CNST: variants seen among roughly 807,000 people sequenced by gnomAD.
CNST encodes the protein consortin.
Under a neutral mutation model 72.4 loss-of-function variants are expected in CNST, and 39 were observed. The observed-to-expected ratio is 0.54, with a 90% CI of 0.42 to 0.70. CNST has a LOEUF of 0.70. CNST is among the 30% of genes least tolerant of loss of function. The pLI is 0.00. For missense variants in CNST, 871 were observed against 868.5 expected (o/e 1.00, Z -0.04); for synonymous variants, 332 against 320.1 (o/e 1.04, Z -0.40).
intron 6 of CNST, among the ~76,000 whole-genome samples, chr1:246,635,564 G>C (rs1486543913): frequency 2.0e-5 from 3 of 152,208 alleles, no homozygotes; most frequent in Non-Finnish European, 1.5e-5. Context: ...AGCAATTGGA[G>C]ATGTTAAACT....
Position 246,665,879 on chromosome 1 carries a change from C to T in CNST, c.2152C>T (p.Leu718=), listed in dbSNP as rs1262944176. Residue 718 remains leucine (L), a synonymous_variant, in exon 11 of 11, where the codon CTG becomes TTG. Coordinates refer to ENST00000366513, the MANE Select transcript of CNST (RefSeq NM_152609.3). ...TAAGTTACTTCAGGGAGTGGCAGAA[C>T]TGAAGCACTGGATCTACCTCTCCTA... is the stretch of plus-strand genomic sequence containing the variant. ...YTKLLQGVAE[L]KHWIYLS 8.1e-6 allele frequency: 13 copies of T among 1,613,378 alleles called. No individual in the cohort carries two copies. Among genetic ancestry groups the T allele is most frequent in the Non-Finnish European group, 1.1e-5 (13 of 1,179,446 alleles).
intron 1 of CNST, among the ~76,000 whole-genome samples, chr1:246,579,648 G>A (rs939360779): frequency 3.9e-5 from 6 of 152,100 alleles, no homozygotes; most frequent in African/African-American, 1.4e-4. Context: ...CCAGCTACTT[G>A]GGAGGCTGAG....
chr1:246,582,918 G>A (rs927834341), intron 1 of CNST, among the ~76,000 whole-genome samples: 2 of 152,200 alleles, frequency 1.3e-5, no homozygotes, highest in Non-Finnish European at 2.9e-5. Context: ...AGGCAGCTCA[G>A]CAGATTGAAG....
At chr1:246,627,656 C>T (rs1049859548) in intron 3 of CNST, among the ~76,000 whole-genome samples, 1 of 152,148 alleles carries the variant, frequency 6.6e-6, no homozygotes, top group African/African-American at 2.4e-5. Flanking sequence ...GCTTTTCTAT[C>T]ATTTTCCTGT....
At chr1:246,597,227 G>A (rs192692738) in intron 2 of CNST, among the ~76,000 whole-genome samples, 1 of 152,242 alleles carries the variant, frequency 6.6e-6, no homozygotes, top group African/African-American at 2.4e-5. Context: ...TTATCTCCAT[G>A]TAGTTTTAAA....
intron 2 of CNST, among the ~76,000 whole-genome samples, chr1:246,601,252 C>T (rs1662270879): frequency 6.6e-6 from 1 of 152,018 alleles, no homozygotes; most frequent in Admixed American, 6.6e-5. Flanking sequence ...CTGCAGTGAG[C>T]CATGATCACG....
chr1:246,647,324 AC>A lies in CNST; in HGVS notation c.1126del (p.Gln376SerfsTer39). The A allele has an allele frequency of 6.2e-7, 1 of 1,614,158 alleles. No individual in the cohort carries two copies. ...CSAEATLALHTQSSETAGSPS... is the reference protein window; with the variant it reads ...CSAEATLALHXQSSETAGSPS... ...CGCTGAAGCCACGTTAGCGCTCCAC[AC>A]CCAGTCCTCCGAGACAGCAGGGAGC... On this transcript the variant is annotated frameshift_variant, in exon 9 of 11. Transcript: ENST00000366513. LOFTEE classifies it high-confidence loss of function.
At position 246,604,272 on chromosome 1, in the gene CNST, A is replaced by G. The variant is rs553677334; in HGVS notation, c.379+12331A>G. 2.6e-3 allele frequency among the ~76,000 whole-genome samples: 390 copies of G among 152,196 alleles called. 3 individuals are homozygous for G. Among genetic ancestry groups the G allele is most frequent in the African/African-American group, 8.5e-3 (355 of 41,544 alleles). On this transcript the variant is annotated intron_variant, in intron 2 of 10. Coordinates refer to ENST00000366513, the MANE Select transcript of CNST (RefSeq NM_152609.3). The stretch of plus-strand genomic sequence containing the variant: ...CCATCTCAAAAAAAAGAAAAAAAAA[A>G]GGGGCTTGGTGATAGTTGGTTTGAT...
chr1:246,603,788 G>A (rs559945619), intron 2 of CNST, among the ~76,000 whole-genome samples: 2 of 152,306 alleles, frequency 1.3e-5, no homozygotes, highest in Admixed American at 1.3e-4. Flanking sequence ...TAGGGGGATG[G>A]GGTGACAGCT....
intron 3 of CNST, among the ~76,000 whole-genome samples, chr1:246,627,036 C>T (rs770033042): frequency 2.0e-5 from 3 of 152,196 alleles, no homozygotes; most frequent in Non-Finnish European, 4.4e-5. Flanking sequence ...CTTCTTACCT[C>T]TTTCACTGCT....
intron 9 of CNST, among the ~76,000 whole-genome samples, chr1:246,651,157 C>T (rs546948895): frequency 2.6e-5 from 4 of 152,112 alleles, no homozygotes; most frequent in Non-Finnish European, 5.9e-5. Context: ...TGCTTCCTTC[C>T]GTTTGTGATT....
At chr1:246,649,752 G>T (rs1374452675) in intron 9 of CNST, among the ~76,000 whole-genome samples, 1 of 151,364 alleles carries the variant, frequency 6.6e-6, no homozygotes, top group Non-Finnish European at 1.5e-5. Context: ...ACTCATATTT[G>T]GGAGGATAAT....
Position 246,647,887 on chromosome 1 carries a change from C to G in CNST, c.1686C>G (p.Ser562=). The stretch of plus-strand genomic sequence containing the variant: ...GATGTTTAAAAGATACTGAAGATTC[C>G]CTTTCCTATGAAGATAACCAAGACG... ...LEGCLKDTED[S]LSYEDNQDDD... is the part of the protein sequence containing the mutation. Residue 562 remains serine, a synonymous_variant, in exon 9 of 11, where the codon TCC becomes TCG. Transcript: ENST00000366513. 6.2e-7 allele frequency: 1 copy of G among 1,613,998 alleles called. No individual in the cohort carries two copies. The highest frequency in any genetic ancestry group is 1.1e-5 in the South Asian group (1 of 91,076).
chr1:246,630,869 C>T (rs915162435), intron 3 of CNST, among the ~76,000 whole-genome samples: 3 of 152,086 alleles, frequency 2.0e-5, no homozygotes, highest in Non-Finnish European at 4.4e-5. Context: ...CCTCAGCCTC[C>T]AGAGTAACTG....
At chr1:246,639,923 G>A (rs991655885) in intron 6 of CNST, among the ~76,000 whole-genome samples, 8 of 152,172 alleles carry the variant, frequency 5.3e-5, no homozygotes, top group Non-Finnish European at 7.3e-5. Flanking sequence ...TGTGGTACCC[G>A]GATGGCCAAT....
At chr1:246,568,122 C>T (rs1455800904) in intron 1 of CNST, among the ~76,000 whole-genome samples, 2 of 151,756 alleles carry the variant, frequency 1.3e-5, no homozygotes, top group African/African-American at 4.8e-5. Context: ...GCAACATAGA[C>T]TCTGTCTCCT....
intron 1 of CNST, among the ~76,000 whole-genome samples, chr1:246,569,719 T>G (rs954121566): frequency 6.6e-6 from 1 of 152,196 alleles, no homozygotes; most frequent in Non-Finnish European, 1.5e-5. Flanking sequence ...GTAGCCACCA[T>G]GCCCAGCCTC....
rs376846355 is a variant in CNST, at chr1:246,647,899, A to G, written c.1698A>G (p.Glu566=). The G allele has an allele frequency of 3.1e-6, 5 of 1,613,882 alleles. No individual in the cohort carries two copies. In the Admixed American group the frequency reaches 6.7e-5, roughly 22 times the overall value. Residue 566 remains glutamate (E), a synonymous_variant, in exon 9 of 11, where the codon GAA becomes GAG. Transcript: ENST00000366513. ...LKDTEDSLSY[E]DNQDDDSDLL... ...ATACTGAAGATTCCCTTTCCTATGA[A>G]GATAACCAAGACGACGACTCCGATC...
At chr1:246,635,442 A>G (rs1175971253) in intron 6 of CNST, among the ~76,000 whole-genome samples, 6 of 151,910 alleles carry the variant, frequency 3.9e-5, no homozygotes, top group Non-Finnish European at 7.4e-5. Context: ...CCACCCTCCT[A>G]GAAGGTTTGT....
Sources: allele counts gnomAD v4.1 joint callset (sites outside exome capture counted in the v4.1 genomes callset), GRCh38; gene constraint gnomAD v4.1.1; transcripts MANE v1.5; gene names NCBI Gene and HGNC (gene_info 2026-07-23, HGNC 2026-07-21).